The following DOK6 variants were observed in gnomAD, a reference collection of about 807,000 sequenced individuals.
DOK6 encodes the protein downstream of tyrosine kinase 6.
Under a neutral mutation model 44.0 loss-of-function variants are expected in DOK6, and 22 were observed. The ratio of observed to expected loss-of-function variants is 0.50; its 90% confidence interval spans 0.36 to 0.71. The LOEUF is 0.71. Among genes scored for constraint, DOK6 ranks in the 30% least tolerant of loss-of-function variants. The pLI, the probability that DOK6 is intolerant of heterozygous loss-of-function variation, is 0.00. For synonymous variants in DOK6, 166 were observed against 145.5 expected, an observed-to-expected ratio of 1.14 and a Z score of -1.01; for missense variants, 340 against 416.4, an observed-to-expected ratio of 0.82 and a Z score of 1.60.
chr18:69,719,851 C>T (rs949215351), intron 5 of DOK6, among the ~76,000 whole-genome samples: 1 of 152,266 alleles, frequency 6.6e-6, no homozygotes, highest in South Asian at 2.1e-4. Flanking sequence ...TAATCAGTAC[C>T]TGAAAGTCCC....
At chr18:69,619,326 A>C (rs1296421344) in intron 3 of DOK6, among the ~76,000 whole-genome samples, 1 of 152,220 alleles carries the variant, frequency 6.6e-6, no homozygotes, top group Non-Finnish European at 1.5e-5. Context: ...CCAGCAGAGC[A>C]AAATAACCAG....
intron 1 of DOK6, among the ~76,000 whole-genome samples, chr18:69,429,256 T>C (rs935865832): frequency 6.6e-6 from 1 of 152,116 alleles, no homozygotes; most frequent in South Asian, 2.1e-4. Context: ...TTTAGTAGCA[T>C]GGACATATTC....
intron 7 of DOK6, among the ~76,000 whole-genome samples, chr18:69,767,844 A>T (rs1302602767): frequency 6.6e-6 from 1 of 152,228 alleles, no homozygotes; most frequent in Non-Finnish European, 1.5e-5. Context: ...GAGGACTCAC[A>T]GTGCAAAATA....
At chr18:69,554,750 G>A (rs1982646474) in intron 1 of DOK6, among the ~76,000 whole-genome samples, 1 of 152,190 alleles carries the variant, frequency 6.6e-6, no homozygotes, top group Admixed American at 6.5e-5. Context: ...CTCTCCAGTA[G>A]AGTGTGAGAC....
intron 1 of DOK6, among the ~76,000 whole-genome samples, chr18:69,491,047 A>G (rs1477353537): frequency 6.6e-6 from 1 of 152,214 alleles, no homozygotes; most frequent in Non-Finnish European, 1.5e-5. Context: ...TATATATACT[A>G]AACATTCAGT....
At chr18:69,587,469 C>T (rs1324259392) in intron 2 of DOK6, among the ~76,000 whole-genome samples, 5 of 152,080 alleles carry the variant, frequency 3.3e-5, no homozygotes, top group Non-Finnish European at 7.4e-5. Context: ...GAATGATGTC[C>T]TCTCAAGGTC....
intron 3 of DOK6, among the ~76,000 whole-genome samples, chr18:69,609,285 G>A (rs1984078174): frequency 6.6e-6 from 1 of 152,062 alleles, no homozygotes; most frequent in Admixed American, 6.5e-5. Flanking sequence ...GAATATATTA[G>A]GCATGTGTAC....
chr18:69,574,591 C>A (rs1983193822), intron 2 of DOK6, among the ~76,000 whole-genome samples: 1 of 151,740 alleles, frequency 6.6e-6, no homozygotes, highest in Admixed American at 6.6e-5. Flanking sequence ...AGCTACATTG[C>A]ACAATGATTT....
intron 5 of DOK6, among the ~76,000 whole-genome samples, chr18:69,700,216 C>CATATATATATATATATATATATGTAT (rs61078235): frequency 8.0e-6 from 1 of 124,762 alleles, no homozygotes; most frequent in African/African-American, 3.0e-5. Context: ...CATATATATA[C>CATATATATATATATATATATATGTAT]ATATATATAT....
chr18:69,725,205 A>C (rs913691738), intron 5 of DOK6, among the ~76,000 whole-genome samples: 3 of 152,206 alleles, frequency 2.0e-5, no homozygotes, highest in African/African-American at 7.2e-5. Flanking sequence ...AAGCGTCAGA[A>C]TCTTACTCAT....
intron 6 of DOK6, 107 bp downstream of exon 6, chr18:69,739,210 C>A (rs369788949): frequency 1.4e-6 from 2 of 1,464,112 alleles, no homozygotes. Context: ...TGGGTGTCCA[C>A]CCTGCCCTGA....
chr18:69,685,827 C>T (rs1016558822), intron 4 of DOK6, among the ~76,000 whole-genome samples: 7 of 152,152 alleles, frequency 4.6e-5, no homozygotes, highest in South Asian at 4.1e-4. Flanking sequence ...TTTTGTAGTA[C>T]GGTGGCAACC....
chr18:69,671,506 A>G (rs972743091), intron 3 of DOK6, among the ~76,000 whole-genome samples: 2 of 152,244 alleles, frequency 1.3e-5, no homozygotes, highest in African/African-American at 4.8e-5. Context: ...AGAAGAGTTT[A>G]TGCAAAACCT....
intron 2 of DOK6, among the ~76,000 whole-genome samples, chr18:69,569,958 C>T (rs1387011852): frequency 6.6e-6 from 1 of 151,994 alleles, no homozygotes; most frequent in African/African-American, 2.4e-5. Context: ...CCATATACCA[C>T]CTGTTCTCAC....
chr18:69,605,314 C>T (rs757828808), intron 3 of DOK6, among the ~76,000 whole-genome samples: 6 of 152,106 alleles, frequency 3.9e-5, no homozygotes, highest in Non-Finnish European at 5.9e-5. Flanking sequence ...CAGCCCCATG[C>T]GAACTGACCT....
intron 3 of DOK6, among the ~76,000 whole-genome samples, chr18:69,623,193 C>T (rs1209824831): frequency 1.3e-5 from 2 of 152,162 alleles, no homozygotes; most frequent in Non-Finnish European, 2.9e-5. Context: ...CCTTCACTTT[C>T]TGTCATTATT....
chr18:69,728,461 T>C (rs1434685714), intron 5 of DOK6, among the ~76,000 whole-genome samples: 1 of 152,318 alleles, frequency 6.6e-6, no homozygotes, highest in African/African-American at 2.4e-5. Flanking sequence ...CATCAAAGTC[T>C]GCCTGGCTAG....
intron 1 of DOK6, among the ~76,000 whole-genome samples, chr18:69,503,099 A>T (rs1981090650): frequency 6.6e-6 from 1 of 152,142 alleles, no homozygotes; most frequent in Admixed American, 6.5e-5. Context: ...GCATTTTCAA[A>T]ATAGGTTGTA....
intron 1 of DOK6, among the ~76,000 whole-genome samples, chr18:69,558,985 GA>G (rs199537471): frequency 6.6e-6 from 1 of 151,462 alleles, no homozygotes; most frequent in South Asian, 2.1e-4. Flanking sequence ...TTCCAAGATT[GA>G]AAAAAAATAA....
Sources: gnomAD v4.1 joint callset for allele counts (sites outside exome capture counted in the v4.1 genomes callset) on GRCh38, gnomAD v4.1.1 for gene constraint, MANE v1.5 for transcripts, NCBI Gene and HGNC (gene_info 2026-07-23, HGNC 2026-07-21) for gene names.